Variants in SIPA1L1 observed in about 807,000 individuals in gnomAD.
SIPA1L1 encodes signal-induced proliferation-associated 1-like protein 1.
Under a neutral mutation model 162.7 loss-of-function variants are expected in SIPA1L1, and 26 were observed. The ratio of observed to expected loss-of-function variants is 0.16; its 90% CI spans 0.12 to 0.22. The LOEUF (loss-of-function observed/expected upper bound fraction) is 0.22, where lower values mean the gene tolerates loss of function less well. SIPA1L1 is among the 10% of genes least tolerant of loss of function. The pLI, the probability that SIPA1L1 is intolerant of heterozygous loss-of-function variation, is 1.00. For missense variants in SIPA1L1, 1,874 were observed against 2,241.0 expected (o/e 0.84, Z 3.31); for synonymous variants, 829 against 837.4 (o/e 0.99, Z 0.17).
At chr14:71,494,916 G>A (rs989587683) in intron 2 of SIPA1L1, among the ~76,000 whole-genome samples, 2 of 152,182 alleles carry the variant, frequency 1.3e-5, no homozygotes, top group Non-Finnish European at 2.9e-5. Context: ...TGGGATTACA[G>A]GCATGAGCCA....
intron 4 of SIPA1L1, among the ~76,000 whole-genome samples, chr14:71,575,731 A>T (rs955704513): frequency 2.0e-5 from 3 of 152,136 alleles, no homozygotes; most frequent in Admixed American, 2.0e-4. Context: ...ACAGTGTTTT[A>T]TCCAGTTCTG....
chr14:71,419,249 T>A (rs1245017178), intron 2 of SIPA1L1, among the ~76,000 whole-genome samples: 1 of 151,758 alleles, frequency 6.6e-6, no homozygotes, highest in Admixed American at 6.6e-5. Context: ...TTTTTTTTTT[T>A]AAGTCTATAG....
At chr14:71,661,816 A>G (rs1447955500) in intron 10 of SIPA1L1, among the ~76,000 whole-genome samples, 1 of 152,242 alleles carries the variant, frequency 6.6e-6, no homozygotes, top group Non-Finnish European at 1.5e-5. Context: ...TAAATAGGGA[A>G]GAGAAGTTAA....
At chr14:71,620,394 C>G (rs1273050883) in intron 6 of SIPA1L1, among the ~76,000 whole-genome samples, 2 of 152,178 alleles carry the variant, frequency 1.3e-5, no homozygotes, top group African/African-American at 4.8e-5. Context: ...TAGTGATACT[C>G]TCTTATCTTA....
chr14:71,373,015 A>G (rs1049199441), intron 2 of SIPA1L1, among the ~76,000 whole-genome samples: 1 of 152,180 alleles, frequency 6.6e-6, no homozygotes, highest in Admixed American at 6.5e-5. Flanking sequence ...ATGGGTTGAA[A>G]TGTTACCAGT....
chr14:71,627,842 C>T (rs184146252), intron 7 of SIPA1L1, among the ~76,000 whole-genome samples: 1 of 152,324 alleles, frequency 6.6e-6, no homozygotes, highest in Non-Finnish European at 1.5e-5. Context: ...TTGCATAATA[C>T]AGCTCTTCAA....
At chr14:71,331,841 A>G (rs2034580135) in intron 2 of SIPA1L1, among the ~76,000 whole-genome samples, 1 of 152,192 alleles carries the variant, frequency 6.6e-6, no homozygotes, top group South Asian at 2.1e-4. Context: ...GGATGTGTTA[A>G]AAAATGAAAA....
At chr14:71,708,036 T>G (rs2877756) in intron 16 of SIPA1L1, among the ~76,000 whole-genome samples, 102 of 148,582 alleles carry the variant, frequency 6.9e-4, no homozygotes, top group South Asian at 1.3e-3. Context: ...TTTGTTTTTT[T>G]TTTTTTTTTT....
At chr14:71,676,315 A>C (rs1300283309) in intron 12 of SIPA1L1, among the ~76,000 whole-genome samples, 1 of 151,600 alleles carries the variant, frequency 6.6e-6, no homozygotes, top group Non-Finnish European at 1.5e-5. Context: ...TAAATAAATA[A>C]AATAACATGT....
chr14:71,683,145 CCTT>C (rs1342962929), intron 12 of SIPA1L1, among the ~76,000 whole-genome samples: 1 of 152,088 alleles, frequency 6.6e-6, no homozygotes, highest in African/African-American at 2.4e-5. Flanking sequence ...CACAGCAAGA[CCTT>C]CTCTCAAAAA....
intron 4 of SIPA1L1, among the ~76,000 whole-genome samples, chr14:71,552,616 T>TCGA (rs2055960808): frequency 6.6e-6 from 1 of 152,090 alleles, no homozygotes; most frequent in South Asian, 2.1e-4. Flanking sequence ...CAAGATGGTC[T>TCGA]CGATCTCCTG....
intron 2 of SIPA1L1, among the ~76,000 whole-genome samples, chr14:71,338,330 A>G (rs1289700079): frequency 6.6e-6 from 1 of 152,214 alleles, no homozygotes; most frequent in Non-Finnish European, 1.5e-5. Context: ...AGGAGAGGTT[A>G]CCTTTTGTCT....
intron 2 of SIPA1L1, among the ~76,000 whole-genome samples, chr14:71,419,623 G>A (rs1455231583): frequency 6.7e-6 from 1 of 150,268 alleles, no homozygotes; most frequent in East Asian, 2.0e-4. Flanking sequence ...TCAGCCTCCC[G>A]AGTAGCTGGG....
intron 4 of SIPA1L1, among the ~76,000 whole-genome samples, chr14:71,558,208 A>G (rs970457099): frequency 2.6e-5 from 4 of 152,170 alleles, no homozygotes; most frequent in African/African-American, 9.7e-5. Context: ...GGAATAATGG[A>G]TATTTGTTGA....
At chr14:71,693,348 A>G (rs568800440) in intron 13 of SIPA1L1, among the ~76,000 whole-genome samples, 1 of 152,280 alleles carries the variant, frequency 6.6e-6, no homozygotes, top group East Asian at 1.9e-4. Context: ...AAAACACAAT[A>G]ATTAGCTGGG....
intron 7 of SIPA1L1, among the ~76,000 whole-genome samples, chr14:71,647,484 AC>A (rs1240235935): frequency 6.6e-6 from 1 of 152,074 alleles, no homozygotes; most frequent in Non-Finnish European, 1.5e-5. Context: ...TTAAATAGGC[AC>A]CCACAAATTC....
intron 22 of SIPA1L1, 31 bp from the exon 23 acceptor site, chr14:71,738,210 G>A: frequency 8.1e-7 from 1 of 1,237,202 alleles, no homozygotes. Context: ...GGAGGCCCCT[G>A]CCAACATGGT....
At chr14:71,570,589 T>C (rs2031787350) in intron 4 of SIPA1L1, among the ~76,000 whole-genome samples, 1 of 152,104 alleles carries the variant, frequency 6.6e-6, no homozygotes, top group South Asian at 2.1e-4. Flanking sequence ...AATGCCTCAA[T>C]TTTAAATACA....
chr14:71,610,291 G>A (rs2038060618), intron 5 of SIPA1L1, among the ~76,000 whole-genome samples: 1 of 152,158 alleles, frequency 6.6e-6, no homozygotes, highest in Non-Finnish European at 1.5e-5. Context: ...CCTAGCCACA[G>A]CCTTGTAATA....
Sources: allele counts gnomAD v4.1 joint callset (sites outside exome capture counted in the v4.1 genomes callset), GRCh38; gene constraint gnomAD v4.1.1; transcripts MANE v1.5; gene names NCBI Gene and HGNC (gene_info 2026-07-23, HGNC 2026-07-21).